SLC25A13: variants seen among roughly 807,000 people sequenced by gnomAD.
SLC25A13 encodes the protein electrogenic aspartate/glutamate antiporter SLC25A13, mitochondrial.
SLC25A13 carries 70 observed loss-of-function variants against 85.5 expected under a neutral mutation model. That is an observed-to-expected ratio of 0.82 (90% CI 0.68 to 1.00). SLC25A13 has a LOEUF of 1.00. Among genes scored for constraint, SLC25A13 ranks in the 50% least tolerant of loss-of-function variants. The probability of loss-of-function intolerance (pLI) is 0.00; values close to 1 mark genes in which losing one functional copy is unlikely to be tolerated. For missense variants in SLC25A13, 765 were observed against 819.8 expected (o/e 0.93, Z 0.82); for synonymous variants, 259 against 288.7 (o/e 0.90, Z 1.04).
intron 13 of SLC25A13, among the ~76,000 whole-genome samples, chr7:96,167,285 A>G (rs933626874): frequency 5.9e-5 from 9 of 152,240 alleles, no homozygotes; most frequent in African/African-American, 2.2e-4. Context: ...CTCTTCAGTT[A>G]CAGGCTTTAT....
chr7:96,205,842 T>C (rs948341552), intron 5 of SLC25A13, among the ~76,000 whole-genome samples: 3 of 151,952 alleles, frequency 2.0e-5, no homozygotes, highest in African/African-American at 7.3e-5. Flanking sequence ...CTGTCCAGAC[T>C]CTACACAGAT....
At chr7:96,139,990 G>C (rs1335468763) in intron 14 of SLC25A13, among the ~76,000 whole-genome samples, 1 of 116,804 alleles carries the variant, frequency 8.6e-6, no homozygotes, top group African/African-American at 3.4e-5. Flanking sequence ...ACGGAGTCTC[G>C]CTCTGTCGCC....
At chr7:96,309,020 T>G (rs78725169) in intron 1 of SLC25A13, among the ~76,000 whole-genome samples, 1 of 152,126 alleles carries the variant, frequency 6.6e-6, no homozygotes, top group Non-Finnish European at 1.5e-5. Flanking sequence ...TGGGAGGCAA[T>G]GAAAAGATGT....
chr7:96,231,655 T>C (rs188884564), intron 4 of SLC25A13, among the ~76,000 whole-genome samples: 133 of 150,336 alleles, frequency 8.8e-4, no homozygotes, highest in Non-Finnish European at 1.4e-3. Context: ...ACCCAGGAGG[T>C]GGAGGTTGCA....
intron 2 of SLC25A13, among the ~76,000 whole-genome samples, chr7:96,294,035 G>A (rs1799241452): frequency 6.6e-6 from 1 of 152,124 alleles, no homozygotes; most frequent in Non-Finnish European, 1.5e-5. Flanking sequence ...CAACCCAAAT[G>A]TCCATCAATG....
At chr7:96,236,479 C>T (rs911943762) in intron 3 of SLC25A13, among the ~76,000 whole-genome samples, 2 of 152,150 alleles carry the variant, frequency 1.3e-5, no homozygotes, top group Admixed American at 1.3e-4. Context: ...CACTAAGGGG[C>T]ATAAAAGGGG....
At chr7:96,310,674 A>AT (rs1175097513) in intron 1 of SLC25A13, among the ~76,000 whole-genome samples, 4 of 151,986 alleles carry the variant, frequency 2.6e-5, no homozygotes, top group Non-Finnish European at 4.4e-5. Context: ...GGCAAAGTCA[A>AT]TTTTTTTTCC....
At chr7:96,284,060 T>C (rs913919098) in intron 2 of SLC25A13, among the ~76,000 whole-genome samples, 7 of 151,674 alleles carry the variant, frequency 4.6e-5, no homozygotes, top group African/African-American at 1.5e-4. Flanking sequence ...GGTTTAAAAG[T>C]AGTTCCTCTA....
At chr7:96,152,121 T>C (rs1288766788) in intron 13 of SLC25A13, among the ~76,000 whole-genome samples, 1 of 152,096 alleles carries the variant, frequency 6.6e-6, no homozygotes, top group Non-Finnish European at 1.5e-5. Context: ...ATGGCAGCCT[T>C]TTGCTCTAGA....
At chr7:96,124,279 C>G (rs1272498867) in intron 15 of SLC25A13, among the ~76,000 whole-genome samples, 1 of 152,114 alleles carries the variant, frequency 6.6e-6, no homozygotes, top group East Asian at 1.9e-4. Context: ...TTATTGAATA[C>G]AAAGGTTAAT....
intron 4 of SLC25A13, among the ~76,000 whole-genome samples, chr7:96,228,340 C>T (rs771571103): frequency 7.9e-5 from 12 of 152,142 alleles, no homozygotes; most frequent in Admixed American, 2.0e-4. Context: ...CCAGAAAATA[C>T]GCACATGACT....
At chr7:96,136,842 T>C (rs1299371189) in intron 14 of SLC25A13, among the ~76,000 whole-genome samples, 2 of 152,116 alleles carry the variant, frequency 1.3e-5, no homozygotes, top group Non-Finnish European at 2.9e-5. Flanking sequence ...GCACATTGTC[T>C]AGCACGGGGA....
intron 17 of SLC25A13, 56 bp downstream of exon 17, chr7:96,121,599 A>G: frequency 6.5e-7 from 1 of 1,543,318 alleles, no homozygotes; most frequent in Non-Finnish European, 9.0e-7. Context: ...TTTCCCTACG[A>G]CAACAGAGCA....
At chr7:96,194,569 A>G (rs1402852144) in intron 5 of SLC25A13, among the ~76,000 whole-genome samples, 2 of 151,896 alleles carry the variant, frequency 1.3e-5, no homozygotes, top group Non-Finnish European at 2.9e-5. Context: ...TGAGATAATG[A>G]CATCGTATTT....
At chr7:96,296,481 T>TC (rs1231218113) in intron 2 of SLC25A13, among the ~76,000 whole-genome samples, 1 of 151,612 alleles carries the variant, frequency 6.6e-6, no homozygotes, top group African/African-American at 2.4e-5. Flanking sequence ...GTTGGGATTT[T>TC]CTTTTTTTTT....
At chr7:96,280,040 C>T (rs1437375017) in intron 2 of SLC25A13, among the ~76,000 whole-genome samples, 1 of 152,156 alleles carries the variant, frequency 6.6e-6, no homozygotes, top group Non-Finnish European at 1.5e-5. Flanking sequence ...CTGACCTACG[C>T]TCCATGGGAG....
At chr7:96,219,119 G>A (rs1796007410) in intron 4 of SLC25A13, among the ~76,000 whole-genome samples, 1 of 152,148 alleles carries the variant, frequency 6.6e-6, no homozygotes, top group Non-Finnish European at 1.5e-5. Flanking sequence ...GGTCTGAAGA[G>A]GAAAGACGTA....
intron 13 of SLC25A13, among the ~76,000 whole-genome samples, chr7:96,154,801 CTT>C (rs869305314): frequency 9.9e-5 from 5 of 50,256 alleles, no homozygotes; most frequent in Non-Finnish European, 4.1e-5. Context: ...GCATCTTTTT[CTT>C]TTTTTTTTTT....
intron 3 of SLC25A13, among the ~76,000 whole-genome samples, chr7:96,264,764 G>T (rs1797987470): frequency 1.3e-5 from 2 of 151,226 alleles, no homozygotes; most frequent in Admixed American, 1.3e-4. Flanking sequence ...AGCCAGGCTG[G>T]TCTCAAACTC....
Sources: allele counts gnomAD v4.1 joint callset (sites outside exome capture counted in the v4.1 genomes callset), GRCh38; gene constraint gnomAD v4.1.1; transcripts MANE v1.5; gene names NCBI Gene and HGNC (gene_info 2026-07-23, HGNC 2026-07-21).